The following PRCC variants were observed in gnomAD, a reference collection of about 807,000 sequenced individuals.
The protein encoded by PRCC is proline-rich protein PRCC.
Under a neutral mutation model 44.0 loss-of-function variants are expected in PRCC, and 10 were observed. The observed-to-expected ratio is 0.23, with a 90% CI of 0.14 to 0.39. PRCC has a LOEUF of 0.39. PRCC is among the 10% of genes least tolerant of loss of function. PRCC has a pLI of 1.00. For synonymous variants in PRCC, 278 were observed against 259.5 expected, an observed-to-expected ratio of 1.07 and a Z score of -0.69; for missense variants, 573 against 624.7, an observed-to-expected ratio of 0.92 and a Z score of 0.88.
At chr1:156,775,235 GA>G (rs1651781678) in intron 1 of PRCC, among the ~76,000 whole-genome samples, 1 of 152,042 alleles carries the variant, frequency 6.6e-6, no homozygotes, top group Non-Finnish European at 1.5e-5. Flanking sequence ...GCTGCAGAGG[GA>G]GGCTCCATCT....
intron 2 of PRCC, among the ~76,000 whole-genome samples, chr1:156,782,913 T>TA (rs1306933446): frequency 3.4e-5 from 5 of 147,958 alleles, no homozygotes; most frequent in Middle Eastern, 3.5e-3. Context: ...AATATATATA[T>TA]TTTTTTTTTG....
intron 3 of PRCC, chr1:156,791,084 G>A (rs745607303): frequency 4.0e-5 from 56 of 1,410,082 alleles, no homozygotes; most frequent in Non-Finnish European, 5.3e-5. Context: ...AGCAACATCT[G>A]GGCCACTCGC....
Position 156,794,826 on chromosome 1 carries a change from A to G in PRCC, c.1323+18A>G, listed in dbSNP as rs755924878. 5.0e-6 allele frequency: 8 copies of G among 1,613,880 alleles called. No homozygotes were observed. The highest frequency in any genetic ancestry group is 4.0e-5 in the African/African-American group (3 of 74,918). ...TCAGCAAAGTAAGTGGGAAACGTCT[A>G]TTGAGTGGTCAGCTTGGGAAGCTGC... On this transcript the variant is annotated intron_variant, in intron 5 of 6. Transcript: ENST00000271526.
chr1:156,778,613 C>A (rs1273148397), intron 1 of PRCC, among the ~76,000 whole-genome samples: 2 of 145,338 alleles, frequency 1.4e-5, no homozygotes, highest in African/African-American at 5.1e-5. Context: ...GGCAGGGTCT[C>A]ACTCTGTTGC....
rs199817156 is a variant in PRCC, at chr1:156,786,753, C to T, written c.662C>T (p.Ala221Val). The T allele has an allele frequency of 1.9e-6, 3 of 1,614,210 alleles. No individual in the cohort carries two copies. The highest frequency in any genetic ancestry group is 1.3e-5 in the African/African-American group (1 of 75,052). Residue 221 changes from alanine to valine, a missense_variant, in exon 3 of 7, where the codon GCT becomes GTT. Ala to Val is a moderately conservative substitution (Grantham distance 64, BLOSUM62 0). Transcript: ENST00000271526. ...GSPDTKPSRL[A>V]SKTKTSSLAP... The stretch of plus-strand genomic sequence containing the variant: ...CCTGATACTAAGCCCTCCAGACTGG[C>T]TTCTAAGACCAAGACTTCCTCTCTT...
At chr1:156,792,920 C>A (rs1366357153) in intron 4 of PRCC, among the ~76,000 whole-genome samples, 1 of 152,200 alleles carries the variant, frequency 6.6e-6, no homozygotes. Flanking sequence ...ACATAATGGT[C>A]TCTCACTGCT....
intron 3 of PRCC, among the ~76,000 whole-genome samples, chr1:156,787,524 A>AT (rs1652314217): frequency 1.5e-5 from 2 of 136,046 alleles, no homozygotes; most frequent in Non-Finnish European, 3.1e-5. Flanking sequence ...CCTAACCTTT[A>AT]TTTTAGGTTC....
intron 3 of PRCC, among the ~76,000 whole-genome samples, chr1:156,790,024 A>G (rs192765325): frequency 0.013 from 1,982 of 152,306 alleles, 19 homozygotes; most frequent in Non-Finnish European, 0.019. Context: ...ACCTGGCACC[A>G]GTGGTGGAGT....
Position 156,787,165 on chromosome 1 carries a change from T to C in PRCC, c.1074T>C (p.Ala358=). Reference sequence around the variant, plus strand: ...ATGGCGATGCCAATGCCGCTGGTGCTTATTATCAGGTGGGTAGGAGGCACA... The same window carrying C: ...ATGGCGATGCCAATGCCGCTGGTGCCTATTATCAGGTGGGTAGGAGGCACA... ...STYGDANAAG[A]YYQDYYSGGY... Residue 358 remains alanine, a synonymous_variant, in exon 3 of 7, where the codon GCT becomes GCC. Transcript: ENST00000271526. 6.2e-7 allele frequency: 1 copy of C among 1,601,186 alleles called. No homozygotes were observed. The highest frequency in any genetic ancestry group is 8.5e-7 in the Non-Finnish European group (1 of 1,170,296).
chr1:156,779,116 ATATATATATATATTTTTTTTTTTTTTTTT>A (rs1651938730), intron 1 of PRCC, among the ~76,000 whole-genome samples: 1 of 18,706 alleles, frequency 5.3e-5, no homozygotes, highest in Admixed American at 7.2e-4. Context: ...ATATATATAT[ATATATATATATATTTTTTTTTTTTTTTTT>A]TTTTTTTTTT....
rs538805392 is a variant in PRCC, at chr1:156,768,847, G to A, written c.468+608G>A. Among the ~76,000 whole-genome samples the A allele has an allele frequency of 7.9e-5, 12 of 152,262 alleles. No individual in the cohort carries two copies. In the South Asian group the frequency reaches 1.5e-3, roughly 18 times the overall value. On this transcript the variant is annotated intron_variant, in intron 1 of 6. Coordinates refer to ENST00000271526, the MANE Select transcript of PRCC (RefSeq NM_005973.5). ...ATTGTTTTACAGATGAGAAACAGGT[G>A]TCCAGCATGCACGATTTTACCTGGT...
chr1:156,791,344 G>A, intron 3 of PRCC: 1 of 487,458 alleles, frequency 2.1e-6, no homozygotes, highest in East Asian at 3.9e-5. Flanking sequence ...TGAGCAGGAG[G>A]AGCAGGGCTG....
intron 3 of PRCC, chr1:156,791,146 G>A: frequency 7.0e-7 from 1 of 1,418,800 alleles, no homozygotes; most frequent in African/African-American, 1.4e-5. Context: ...AAACGAACCT[G>A]CTTTGTTCCC....
chr1:156,787,217 A>G (rs755644920), intron 3 of PRCC, 43 bp downstream of exon 3: 5 of 1,547,868 alleles, frequency 3.2e-6, no homozygotes, highest in Non-Finnish European at 4.4e-6. Context: ...ATGTTGGAAC[A>G]TGGTGGTCAA....
intron 1 of PRCC, among the ~76,000 whole-genome samples, chr1:156,772,966 A>G (rs1651687186): frequency 6.6e-6 from 1 of 152,242 alleles, no homozygotes; most frequent in South Asian, 2.1e-4. Flanking sequence ...TGTTGTGTTT[A>G]TCGGGGTGTC....
At chr1:156,798,826 G>A (rs1395514987) in intron 6 of PRCC, among the ~76,000 whole-genome samples, 1 of 147,416 alleles carries the variant, frequency 6.8e-6, no homozygotes, top group Admixed American at 6.8e-5. Flanking sequence ...TCCAGCCTGG[G>A]TGAGACTCCA....
At chr1:156,768,332 A>G in intron 1 of PRCC, 93 bp downstream of exon 1, 1 of 1,303,980 alleles carries the variant, frequency 7.7e-7, no homozygotes, top group South Asian at 1.3e-5. Flanking sequence ...CCTTCCTACA[A>G]ACGCATCCGT....
At chr1:156,785,620 GTTTCC>G (rs1652214822) in intron 2 of PRCC, among the ~76,000 whole-genome samples, 1 of 149,098 alleles carries the variant, frequency 6.7e-6, no homozygotes, top group Non-Finnish European at 1.5e-5. Flanking sequence ...AGGAAATCCT[GTTTCC>G]TTTGCTTTGG....
At position 156,767,903 on chromosome 1, in the gene PRCC, G is replaced by A. The variant is rs774368966; in HGVS notation, c.132G>A (p.Ala44=). ...GGGGCTTGTTCGCTTCTCTCCCTGC[G>A]CCCAAGGGTCCGGCCTTGCTGCCTC... ...ALGGLFASLP[A]PKGPALLPPP... The change falls in exon 1 of 7, where the codon GCG becomes GCA. Residue 44 remains alanine (A), a synonymous_variant. Transcript: ENST00000271526. 1.2e-6 allele frequency: 2 copies of A among 1,602,442 alleles called. No homozygotes were observed. Among genetic ancestry groups the A allele is most frequent in the Non-Finnish European group, 1.7e-6 (2 of 1,175,388 alleles).
Sources: allele counts gnomAD v4.1 joint callset (sites outside exome capture counted in the v4.1 genomes callset), GRCh38; gene constraint gnomAD v4.1.1; transcripts MANE v1.5; gene names NCBI Gene and HGNC (gene_info 2026-07-23, HGNC 2026-07-21).